Variants in TBCK observed in about 807,000 individuals in gnomAD.
The protein encoded by TBCK is TBC1 domain containing kinase, also known as TBC domain-containing protein kinase-like protein.
In TBCK, 99 loss-of-function variants were observed where a neutral mutation model predicts 113.4. The observed-to-expected ratio is 0.87, with a 90% CI of 0.74 to 1.03. The LOEUF is 1.03. Ranked by LOEUF, TBCK falls within the 50% of genes least tolerant of loss-of-function variation. The pLI is 0.00. For synonymous variants in TBCK, 369 were observed against 370.8 expected, an observed-to-expected ratio of 1.00 and a Z score of 0.05; for missense variants, 1,045 against 1,061.3, an observed-to-expected ratio of 0.98 and a Z score of 0.21.
In TBCK at chr4:106,247,280, G is replaced by T. The variant is rs755203126; in HGVS notation, c.790C>A (p.Pro264Thr). 6.2e-7 allele frequency: 1 copy of T among 1,611,112 alleles called. No individual in the cohort carries two copies. The change falls in exon 10 of 26, where the codon CCA becomes ACA. Residue 264 changes from proline (P) to threonine (T), a missense_variant. Physicochemically the swap from Pro to Thr is conservative, Grantham distance 38. Transcript: ENST00000394708. Reference sequence around the variant, plus strand: ...ACTTTGTCCTTCATTAATTGATCTGGGGTTGGCCTTGAGAACATTTAAAAT... The same window carrying T: ...ACTTTGTCCTTCATTAATTGATCTGTGGTTGGCCTTGAGAACATTTAAAAT... ...LTFHPSKRPT[P>T]DQLMKDKVFS...
At chr4:106,295,022 C>A in intron 3 of TBCK, 72 bp downstream of exon 3, 1 of 1,240,594 alleles carries the variant, frequency 8.1e-7, no homozygotes, top group Non-Finnish European at 1.1e-6. Context: ...CAAACCCCTG[C>A]AGTTTAAACA....
At chr4:106,126,215 TGACA>T (rs1745196585) in intron 23 of TBCK, among the ~76,000 whole-genome samples, 1 of 152,216 alleles carries the variant, frequency 6.6e-6, no homozygotes, top group African/African-American at 2.4e-5. Flanking sequence ...AACTCCTGAC[TGACA>T]AAGTTTCTCT....
At chr4:106,298,445 T>C (rs1475896458) in intron 2 of TBCK, among the ~76,000 whole-genome samples, 4 of 140,256 alleles carry the variant, frequency 2.9e-5, no homozygotes, top group Admixed American at 7.0e-5. Flanking sequence ...ACTAAAAATA[T>C]GAAAAAAAAA....
intron 23 of TBCK, among the ~76,000 whole-genome samples, chr4:106,123,448 C>G (rs1260809519): frequency 6.6e-6 from 1 of 152,090 alleles, no homozygotes. Context: ...CCATACTGCC[C>G]AAGGTAATTT....
rs534354086 is a variant in TBCK at position 106,092,359 on chromosome 4, C to T, written c.2571+3123G>A. Among the ~76,000 whole-genome samples, 257 of 152,362 alleles carry T rather than the reference C, an allele frequency of 1.7e-3. 1 individual carries two copies. Among genetic ancestry groups the T allele is most frequent in the Middle Eastern group, 3.4e-3 (1 of 294 alleles). On this transcript the variant is annotated intron_variant, in intron 25 of 25. Coordinates refer to ENST00000394708, the MANE Select transcript of TBCK (RefSeq NM_001163435.3). ...CACCCAGTGGATCCCACACTGGGGC[C>T]GCAGGTGGAGCTGCCTGCCAGTCCC...
intron 24 of TBCK, among the ~76,000 whole-genome samples, chr4:106,105,651 C>T (rs1444277012): frequency 1.3e-5 from 2 of 152,200 alleles, no homozygotes; most frequent in African/African-American, 2.4e-5. Flanking sequence ...AAAAATACCT[C>T]ACTAACGTAA....
intron 22 of TBCK, among the ~76,000 whole-genome samples, chr4:106,190,929 A>G (rs1753595629): frequency 6.6e-6 from 1 of 152,112 alleles, no homozygotes; most frequent in South Asian, 2.1e-4. Flanking sequence ...TTTAGTAGAG[A>G]TAGAGTTTCA....
intron 5 of TBCK, among the ~76,000 whole-genome samples, chr4:106,259,529 CT>C (rs770159815): frequency 6.6e-6 from 1 of 151,858 alleles, no homozygotes; most frequent in Non-Finnish European, 1.5e-5. Flanking sequence ...CAAAGTCCTT[CT>C]TTTAGAAAAT....
intron 22 of TBCK, among the ~76,000 whole-genome samples, chr4:106,180,316 T>TC (rs1390699738): frequency 6.6e-6 from 1 of 152,076 alleles, no homozygotes; most frequent in African/African-American, 2.4e-5. Context: ...GTAGACACTT[T>TC]CTTCCTTTTA....
chr4:106,163,393 C>A (rs1025457599), intron 23 of TBCK: 2 of 152,364 alleles, frequency 1.3e-5, no homozygotes, highest in Non-Finnish European at 2.9e-5. Flanking sequence ...ACTGTTCCAA[C>A]CTCAGCCTGT....
At chr4:106,100,908 C>T (rs556933236) in intron 24 of TBCK, among the ~76,000 whole-genome samples, 2 of 152,076 alleles carry the variant, frequency 1.3e-5, no homozygotes, top group Non-Finnish European at 2.9e-5. Context: ...TGTGATTTTT[C>T]AATGCTTTCT....
rs146147783 is a variant in TBCK at position 106,288,005 on chromosome 4, A to T, written c.266+7089T>A. Reference sequence around the variant, plus strand: ...TCTTTCTTCTAAAAACCAAAAAATTAAAAAAGTCAGTGGCTCAAACATCTT... The same window carrying T: ...TCTTTCTTCTAAAAACCAAAAAATTTAAAAAGTCAGTGGCTCAAACATCTT... On this transcript the variant is annotated intron_variant, in intron 3 of 25. Transcript: ENST00000394708. Among the ~76,000 whole-genome samples the T allele has an allele frequency of 1.1e-4, 17 of 152,280 alleles. No homozygotes were observed. The East Asian group carries it at 1.5e-3, about 14-fold the overall frequency.
chr4:106,231,847 T>A (rs1306493127), intron 17 of TBCK, 68 bp from the exon 18 acceptor site: 2 of 1,358,660 alleles, frequency 1.5e-6, no homozygotes, highest in Non-Finnish European at 2.1e-6. Flanking sequence ...GATATATACC[T>A]TATTCAATTC....
At chr4:106,206,414 C>CGA (rs752676157) in intron 20 of TBCK, among the ~76,000 whole-genome samples, 1 of 152,066 alleles carries the variant, frequency 6.6e-6, no homozygotes, top group Admixed American at 6.5e-5. Flanking sequence ...AGCTTCACTA[C>CGA]GAGAGAGAGA....
intron 9 of TBCK, chr4:106,247,740 A>T (rs1270870407): frequency 1.9e-5 from 3 of 156,784 alleles, no homozygotes; most frequent in African/African-American, 7.2e-5. Flanking sequence ...ATTTGTATAC[A>T]TTATTTTCAA....
rs183990179 is a variant in TBCK at position 106,072,791 on chromosome 4, G to A, written c.2571+22691C>T. Among the ~76,000 whole-genome samples, 252 of 152,130 alleles carry A rather than the reference G, an allele frequency of 1.7e-3. 1 individual carries two copies. The highest frequency in any genetic ancestry group is 4.8e-3 in the East Asian group (25 of 5,172). ...CCCATATTTCTTGGAGGCTTTGTTCGTTTCTTTTTATTCTTTTTTCTCTAA... is the reference window on the plus strand; with the variant it reads ...CCCATATTTCTTGGAGGCTTTGTTCATTTCTTTTTATTCTTTTTTCTCTAA... On this transcript the variant is annotated intron_variant, in intron 25 of 25. Transcript: ENST00000394708.
At chr4:106,285,268 CTCA>C (rs1195459793) in intron 3 of TBCK, among the ~76,000 whole-genome samples, 2 of 152,138 alleles carry the variant, frequency 1.3e-5, no homozygotes, top group East Asian at 3.9e-4. Flanking sequence ...TTGATAACAC[CTCA>C]TAAAACAAAC....
chr4:106,044,743 A>G lies in TBCK; in HGVS notation c.*1827T>C, dbSNP rs1409745915. Reference sequence around the variant, plus strand: ...TTGCACAACTTTGTGAATACACTAAAAACTACTGAACTGTACATGTTAAAA... The same window carrying G: ...TTGCACAACTTTGTGAATACACTAAGAACTACTGAACTGTACATGTTAAAA... On this transcript the variant is annotated 3_prime_UTR_variant, in exon 26 of 26. Coordinates refer to ENST00000394708, the MANE Select transcript of TBCK (RefSeq NM_001163435.3). The G allele has an allele frequency of 6.6e-6, 1 of 152,232 alleles. No individual in the cohort carries two copies. 9.4% of individuals were successfully genotyped at this position (152,232 alleles called of 1,614,324 possible).
intron 22 of TBCK, among the ~76,000 whole-genome samples, chr4:106,179,956 T>C (rs914460107): frequency 2.0e-5 from 3 of 152,084 alleles, no homozygotes; most frequent in Admixed American, 6.6e-5. Flanking sequence ...TTATATCCTC[T>C]TGCTATATTG....
Sources: allele counts gnomAD v4.1 joint callset (sites outside exome capture counted in the v4.1 genomes callset), GRCh38; gene constraint gnomAD v4.1.1; transcripts MANE v1.5; gene names NCBI Gene and HGNC (gene_info 2026-07-23, HGNC 2026-07-21).